WNT6: variants seen among roughly 807,000 people sequenced by gnomAD.
WNT6 encodes protein Wnt-6.
In WNT6, 27 loss-of-function variants were observed where a neutral mutation model predicts 33.1. That is an observed-to-expected ratio of 0.82 (90% CI 0.60 to 1.12). The LOEUF (loss-of-function observed/expected upper bound fraction) is 1.12. Ranked by LOEUF, WNT6 falls within the 50% of genes most tolerant of loss-of-function variation. The pLI is 0.00. For missense variants in WNT6, 494 were observed against 535.3 expected, an observed-to-expected ratio of 0.92 and a Z score of 0.76; for synonymous variants, 249 against 242.8, an observed-to-expected ratio of 1.03 and a Z score of -0.24.
intron 1 of WNT6, 93 bp downstream of exon 1, chr2:218,860,210 C>A: frequency 8.3e-7 from 1 of 1,204,092 alleles, no homozygotes; most frequent in South Asian, 2.1e-5. Flanking sequence ...CCTCCCGGCT[C>A]TACCTGCTCT....
Position 218,873,912 on chromosome 2 carries a change from C to A in WNT6, c.*67C>A. On this transcript the variant is annotated 3_prime_UTR_variant, in exon 4 of 4. Transcript: ENST00000233948. The surrounding 1 kb of genome is among the most constrained non-coding windows in gnomAD (Gnocchi z 6.1). Reference sequence around the variant, plus strand: ...TCGCACCTGTGGGACCTCAGGGCACCGGCACCGGGCGCCTCTCGCCGCTCG... The same window carrying A: ...TCGCACCTGTGGGACCTCAGGGCACAGGCACCGGGCGCCTCTCGCCGCTCG... 2 of 1,363,616 alleles carry A rather than the reference C, an allele frequency of 1.5e-6. No individual in the cohort carries two copies. The highest frequency in any genetic ancestry group is 1.9e-6 in the Non-Finnish European group (2 of 1,055,998). 84.5% of individuals were successfully genotyped at this position (1,363,616 alleles called of 1,614,324 possible). A position where few individuals can be genotyped will look rare whatever the true frequency, so the allele number is the denominator to read the frequency against.
Position 218,860,082 on chromosome 2 carries a change from G to C in WNT6, c.45G>C (p.Leu15=). 6.5e-7 allele frequency: 1 copy of C among 1,526,968 alleles called. No individual in the cohort carries two copies. 94.6% of individuals were successfully genotyped at this position (1,526,968 alleles called of 1,614,324 possible). A position where few individuals can be genotyped will look rare whatever the true frequency, so the allele number is the denominator to read the frequency against. ...CCCGCCTCGGGCTGCTGCTGCTGCT[G>C]CTCCTGTGCCCGGCGCACGTCGGCG... ...LPSRLGLLLL[L]LLCPAHVGGL... The change falls in exon 1 of 4, where the codon CTG becomes CTC. Residue 15 remains leucine (L), a synonymous_variant. Transcript: ENST00000233948.
chr2:218,872,071 T>G (rs1480405833), intron 3 of WNT6, among the ~76,000 whole-genome samples: 1 of 151,418 alleles, frequency 6.6e-6, no homozygotes, highest in African/African-American at 2.4e-5. Flanking sequence ...GCGGGCAGAA[T>G]GGGGGAAGGG....
chr2:218,864,263 CT>C (rs1231335485), intron 1 of WNT6, among the ~76,000 whole-genome samples: 5 of 151,852 alleles, frequency 3.3e-5, no homozygotes, highest in Admixed American at 6.6e-5. Flanking sequence ...CTTTTCTTTT[CT>C]TTTTTTCCTT....
At chr2:218,870,885 A>T (rs1371023450) in intron 1 of WNT6, 142 bp from the exon 2 acceptor site, 5 of 722,526 alleles carry the variant, frequency 6.9e-6, no homozygotes, top group Non-Finnish European at 1.1e-5. Context: ...GCCAGACAGG[A>T]CAATCTCAAG....
rs553043124 is a variant in WNT6 at position 218,868,963 on chromosome 2, T to G, written c.81-2064T>G. 9.2e-5 allele frequency among the ~76,000 whole-genome samples: 14 copies of G among 152,246 alleles called. No homozygotes were observed. The East Asian group carries it at 2.7e-3, about 29-fold the overall frequency. ...CCTTCTTATAATGAGGTGGGATATA[T>G]GGGCAGAGGAGGGACAGATAGATTG... On this transcript the variant is annotated intron_variant, in intron 1 of 3. Coordinates refer to ENST00000233948, the MANE Select transcript of WNT6 (RefSeq NM_006522.4).
Position 218,871,774 on chromosome 2 carries a change from C to A in WNT6, c.591C>A (p.Asp197Glu). ...MDARHKRGRGDIRALVQLHNN... is the reference protein window; with the variant it reads ...MDARHKRGRGEIRALVQLHNN... ...CGCGGCACAAGCGGGGACGCGGAGACATCCGCGCGTTGGTGCAACTGCACA... is the reference window on the plus strand; with the variant it reads ...CGCGGCACAAGCGGGGACGCGGAGAAATCCGCGCGTTGGTGCAACTGCACA... The change falls in exon 3 of 4, where the codon GAC becomes GAA. Residue 197 changes from aspartate to glutamate, a missense_variant. Transcript: ENST00000233948. This position sits in a 1 kb window ranked among gnomAD's most constrained non-coding sequence, Gnocchi z 6.4. The A allele has an allele frequency of 6.2e-7, 1 of 1,601,190 alleles. No individual in the cohort carries two copies. Among genetic ancestry groups the A allele is most frequent in the South Asian group, 1.1e-5 (1 of 90,220 alleles).
chr2:218,871,590 C>A lies in WNT6; in HGVS notation c.407C>A (p.Ala136Glu), dbSNP rs757823920. The A allele has an allele frequency of 6.6e-6, 10 of 1,524,764 alleles. No homozygotes were observed. The South Asian group carries it at 1.1e-4, about 17-fold the overall frequency. 94.5% of individuals were successfully genotyped at this position (1,524,764 alleles called of 1,614,324 possible). A position where few individuals can be genotyped will look rare whatever the true frequency, so the allele number is the denominator to read the frequency against. Residue 136 changes from alanine to glutamate, a missense_variant, in exon 3 of 4, where the codon GCG becomes GAG. Physicochemically the swap from Ala to Glu is moderately radical, Grantham distance 107. Coordinates refer to ENST00000233948, the MANE Select transcript of WNT6 (RefSeq NM_006522.4). This position sits in a 1 kb window ranked among gnomAD's most constrained non-coding sequence, Gnocchi z 6.4. ...GAGCTGCTGCAGTGCGGCTGCCAGG[C>A]GCCCCGCGGGCGGGCCCCTCCCCGG... ...MGELLQCGCQAPRGRAPPRPS... is the reference protein window; with the variant it reads ...MGELLQCGCQEPRGRAPPRPS...
chr2:218,859,947 C>CGCGCTCGCACTGAAGCCCGG lies in WNT6; in HGVS notation c.-88_-69dup, dbSNP rs1559406223. 2.7e-6 allele frequency: 3 copies of CGCGCTCGCACTGAAGCCCGG among 1,104,774 alleles called. No individual in the cohort carries two copies. Among genetic ancestry groups the CGCGCTCGCACTGAAGCCCGG allele is most frequent in the Non-Finnish European group, 3.4e-6 (3 of 888,010 alleles). The allele number at this position is 1,104,774 out of a possible 1,614,324, so 68.4% of individuals were successfully genotyped here. On this transcript the variant is annotated 5_prime_UTR_variant, in exon 1 of 4. Coordinates refer to ENST00000233948, the MANE Select transcript of WNT6 (RefSeq NM_006522.4). ...TCCCGGCCGCCGCCGTTGCGCTCGC[C>CGCGCTCGCACTGAAGCCCGG]GCGCTCGCACTGAAGCCCGGGCCCT...
At position 218,860,024 on chromosome 2, in the gene WNT6, G is replaced by A. The variant is rs1319129220; in HGVS notation, c.-14G>A. Reference sequence around the variant, plus strand: ...TCGCCCCCTGCCCACCCGGGCGGCCGTAGGGCGGTCACGATGCTGCCGCCC... The same window carrying A: ...TCGCCCCCTGCCCACCCGGGCGGCCATAGGGCGGTCACGATGCTGCCGCCC... On this transcript the variant is annotated 5_prime_UTR_variant, in exon 1 of 4. Coordinates refer to ENST00000233948, the MANE Select transcript of WNT6 (RefSeq NM_006522.4). 6.8e-6 allele frequency: 10 copies of A among 1,477,152 alleles called. No individual in the cohort carries two copies. Among genetic ancestry groups the A allele is most frequent in the East Asian group, 2.9e-5 (1 of 34,226 alleles). 91.5% of individuals were successfully genotyped at this position (1,477,152 alleles called of 1,614,324 possible). A position where few individuals can be genotyped will look rare whatever the true frequency, so the allele number is the denominator to read the frequency against.
At chr2:218,861,249 G>A (rs1334769523) in intron 1 of WNT6, among the ~76,000 whole-genome samples, 1 of 152,178 alleles carries the variant, frequency 6.6e-6, no homozygotes, top group African/African-American at 2.4e-5. Context: ...AGAGCCGTCC[G>A]ACGCTAGTGT....
chr2:218,873,849 G>A lies in WNT6; in HGVS notation c.*4G>A, dbSNP rs114417760. On this transcript the variant is annotated 3_prime_UTR_variant, in exon 4 of 4. Transcript: ENST00000233948. This position sits in a 1 kb window ranked among gnomAD's most constrained non-coding sequence, Gnocchi z 6.1. ...GGAGCTCAGCCTCTGCCTGTGACCC[G>A]CCGCCCGGCCGCTAGACTGACTTCG... 8,124 of 1,463,408 alleles carry A rather than the reference G, an allele frequency of 5.6e-3. 401 individuals carry two copies. The African/African-American group carries it at 0.11, about 19-fold the overall frequency. 90.7% of individuals were successfully genotyped at this position (1,463,408 alleles called of 1,614,324 possible).
rs1445921015 is a variant in WNT6 at position 218,873,219 on chromosome 2, T to G, written c.637-165T>G. Among the ~76,000 whole-genome samples, 1 of 152,166 alleles carries G rather than the reference T, an allele frequency of 6.6e-6. No individual in the cohort carries two copies. Among genetic ancestry groups the G allele is most frequent in the African/African-American group, 2.4e-5 (1 of 41,438 alleles). ...TTCCTCCTGCTCCTCCCCTCCGAGT[T>G]GTCCTTTCCTTGATTTCCTCCCCCT... On this transcript the variant is annotated intron_variant, in intron 3 of 3. Transcript: ENST00000233948. The surrounding 1 kb of genome is among the most constrained non-coding windows in gnomAD (Gnocchi z 6.1).
chr2:218,871,897 C>G lies in WNT6; in HGVS notation c.636+78C>G. 1 of 1,341,248 alleles carries G rather than the reference C, an allele frequency of 7.5e-7. No individual in the cohort carries two copies. The highest frequency in any genetic ancestry group is 1.7e-5 in the South Asian group (1 of 57,536). The allele number at this position is 1,341,248 out of a possible 1,614,324, so 83.1% of individuals were successfully genotyped here. ...AGGAGTGTGCTTGAGGAAGTGTTGG[C>G]AGGAGTGAGGGTGTGTAGGTGGAGG... is the stretch of plus-strand genomic sequence containing the variant. On this transcript the variant is annotated intron_variant, in intron 3 of 3. Transcript: ENST00000233948. The surrounding 1 kb of genome is among the most constrained non-coding windows in gnomAD (Gnocchi z 6.4).
intron 1 of WNT6, among the ~76,000 whole-genome samples, chr2:218,860,927 C>G (rs893589260): frequency 1.3e-5 from 2 of 151,918 alleles, no homozygotes; most frequent in Non-Finnish European, 2.9e-5. Context: ...GGTGCCCGAC[C>G]GGGACGGCTC....
rs75223871 is a variant in WNT6 at position 218,860,143 on chromosome 2, T to C, written c.80+26T>C. ...GTGAGTCCGGCTGTCCTGGCGCGGC[T>C]CTGGACCCTGGAGGGTGGGGACCCC... On this transcript the variant is annotated intron_variant, in intron 1 of 3. Transcript: ENST00000233948. 22,087 of 1,504,728 alleles carry C rather than the reference T, an allele frequency of 0.015. 2,333 individuals carry two copies. The African/African-American group carries it at 0.25, about 17-fold the overall frequency. The allele number at this position is 1,504,728 out of a possible 1,614,324, so 93.2% of individuals were successfully genotyped here.
At position 218,871,241 on chromosome 2, in the gene WNT6, C is replaced by A; in HGVS notation, c.295C>A (p.Gln99Lys). 2 of 1,609,258 alleles carry A rather than the reference C, an allele frequency of 1.2e-6. No homozygotes were observed. The highest frequency in any genetic ancestry group is 1.7e-6 in the Non-Finnish European group (2 of 1,176,968). The change falls in exon 2 of 4, where the codon CAA (glutamine) becomes AAA (lysine). Residue 99 changes from glutamine (Q) to lysine (K), a missense_variant. Gln to Lys is a moderately conservative substitution (Grantham distance 53, BLOSUM62 1). Transcript: ENST00000233948. The surrounding 1 kb of genome is among the most constrained non-coding windows in gnomAD (Gnocchi z 6.4). The part of the protein sequence containing the change: ...SHSKAFGRIL[Q>K]QDIRETAFVF... ...CAGCAAGGCCTTTGGACGCATCCTG[C>A]AACAGGGTCAGTGTGGGGAGGGGGC...
In WNT6 at chr2:218,860,681, G is replaced by C. The variant is rs1398856191; in HGVS notation, c.80+564G>C. Among the ~76,000 whole-genome samples, 4 of 152,210 alleles carry C rather than the reference G, an allele frequency of 2.6e-5. No homozygotes were observed. In the East Asian group the frequency reaches 7.7e-4, roughly 29 times the overall value. On this transcript the variant is annotated intron_variant, in intron 1 of 3. Coordinates refer to ENST00000233948, the MANE Select transcript of WNT6 (RefSeq NM_006522.4). ...AAGCAAGGAAAAGGAGGAGCGGAAGGAACCGGACCCAGGCGCCCGGCCCTT... is the reference window on the plus strand; with the variant it reads ...AAGCAAGGAAAAGGAGGAGCGGAAGCAACCGGACCCAGGCGCCCGGCCCTT...
rs2106005727 is a variant in WNT6 at position 218,871,669 on chromosome 2, A to G, written c.486A>G (p.Glu162=). 2 of 1,549,298 alleles carry G rather than the reference A, an allele frequency of 1.3e-6. No individual in the cohort carries two copies. Among genetic ancestry groups the G allele is most frequent in the African/African-American group, 2.8e-5 (2 of 70,858 alleles). The part of the protein sequence containing the change: ...PGPPGPAGSP[E]GSAAWEWGGC... ...CCCCTGGCCCCGCGGGCTCCCCGGA[A>G]GGCAGCGCCGCCTGGGAGTGGGGAG... Residue 162 remains glutamate (E), a synonymous_variant, in exon 3 of 4, where the codon GAA becomes GAG. Transcript: ENST00000233948. This position sits in a 1 kb window ranked among gnomAD's most constrained non-coding sequence, Gnocchi z 6.4.
Sources: allele counts gnomAD v4.1 joint callset (sites outside exome capture counted in the v4.1 genomes callset), GRCh38; gene constraint gnomAD v4.1.1; non-coding constraint Gnocchi (gnomAD v3.1); transcripts MANE v1.5; gene names NCBI Gene and HGNC (gene_info 2026-07-23, HGNC 2026-07-21).